PIP4P2: variants seen among roughly 807,000 people sequenced by gnomAD.
The protein encoded by PIP4P2 is type 2 phosphatidylinositol 4,5-bisphosphate 4-phosphatase.
PIP4P2 carries 19 observed loss-of-function variants against 33.3 expected under a neutral mutation model. The observed-to-expected ratio is 0.57, with a 90% CI of 0.40 to 0.84. The LOEUF (loss-of-function observed/expected upper bound fraction) is 0.84. Among genes scored for constraint, PIP4P2 ranks in the 40% least tolerant of loss-of-function variants. PIP4P2 has a pLI of 0.00. For missense variants in PIP4P2, 270 were observed against 324.7 expected (o/e 0.83, Z 1.29); for synonymous variants, 110 against 111.9 (o/e 0.98, Z 0.11).
intron 3 of PIP4P2, 78 bp from the exon 4 acceptor site, chr8:91,018,591 T>C (rs537051471): frequency 1.1e-4 from 180 of 1,590,008 alleles, no homozygotes; most frequent in Middle Eastern, 8.3e-4. Flanking sequence ...TGGCCAAAAA[T>C]ATGAAATGTG....
At chr8:91,008,123 C>A (rs1195912840) in intron 5 of PIP4P2, among the ~76,000 whole-genome samples, 1 of 152,094 alleles carries the variant, frequency 6.6e-6, no homozygotes, top group African/African-American at 2.4e-5. Context: ...ATATTAATTT[C>A]TATGAGTCCC....
chr8:91,014,144 A>G (rs1215497826), intron 4 of PIP4P2, among the ~76,000 whole-genome samples: 1 of 152,148 alleles, frequency 6.6e-6, no homozygotes, highest in Non-Finnish European at 1.5e-5. Context: ...GGACTTTGCA[A>G]CTCACTTAGC....
intron 1 of PIP4P2, among the ~76,000 whole-genome samples, chr8:91,035,786 T>G (rs1191052520): frequency 1.3e-5 from 2 of 152,056 alleles, no homozygotes; most frequent in African/African-American, 4.8e-5. Context: ...CCTGGCACTT[T>G]GGGAGGCCAA....
chr8:91,017,140 AG>A (rs531614390), intron 4 of PIP4P2, among the ~76,000 whole-genome samples: 2 of 152,226 alleles, frequency 1.3e-5, no homozygotes, highest in Non-Finnish European at 2.9e-5. Context: ...TTTACTATTT[AG>A]TGGGTAATGT....
intron 4 of PIP4P2, among the ~76,000 whole-genome samples, chr8:91,014,758 GACACACACAC>G (rs142952434): frequency 9.1e-5 from 13 of 142,648 alleles, no homozygotes; most frequent in African/African-American, 1.5e-4. Flanking sequence ...TTACCACAAA[GACACACACAC>G]ACACACACAC....
intron 4 of PIP4P2, among the ~76,000 whole-genome samples, chr8:91,014,005 A>C (rs111755528): frequency 3.4e-3 from 516 of 152,342 alleles, no homozygotes; most frequent in Non-Finnish European, 6.1e-3. Context: ...AAATTGAATA[A>C]ATGCATGCAT....
At chr8:91,000,399 G>GT (rs11326099) in intron 5 of PIP4P2, among the ~76,000 whole-genome samples, 211 of 143,720 alleles carry the variant, frequency 1.5e-3, no homozygotes, top group African/African-American at 3.6e-3. Context: ...TCATTTAGCA[G>GT]TTTTTTTTTT....
At position 91,040,817 on chromosome 8, in the gene PIP4P2, T is replaced by TG; in HGVS notation, c.-69dup. On this transcript the variant is annotated 5_prime_UTR_variant, in exon 1 of 7. Transcript: ENST00000285419. ...GCGGCCTCGGCGGAGTGGTGGCTACTGCTGCTGCCTCTGCTGCCGCTGCTG... is the reference window on the plus strand; with the variant it reads ...GCGGCCTCGGCGGAGTGGTGGCTACTGGCTGCTGCCTCTGCTGCCGCTGCTG... 1 of 1,401,864 alleles carries TG rather than the reference T, an allele frequency of 7.1e-7. No homozygotes were observed. Among genetic ancestry groups the TG allele is most frequent in the Non-Finnish European group, 9.8e-7 (1 of 1,016,046 alleles). 86.8% of individuals were successfully genotyped at this position (1,401,864 alleles called of 1,614,324 possible).
intron 1 of PIP4P2, among the ~76,000 whole-genome samples, chr8:91,033,380 A>G (rs1812196267): frequency 1.3e-5 from 2 of 151,876 alleles, no homozygotes; most frequent in Non-Finnish European, 2.9e-5. Context: ...ATTTTTGGAG[A>G]TTTGTGATTC....
At chr8:91,007,072 A>C (rs933351621) in intron 5 of PIP4P2, among the ~76,000 whole-genome samples, 1 of 152,220 alleles carries the variant, frequency 6.6e-6, no homozygotes, top group African/African-American at 2.4e-5. Context: ...ATTTTCGTGA[A>C]AATACACATA....
intron 6 of PIP4P2, 138 bp from the exon 7 acceptor site, chr8:90,995,958 T>C (rs747136359): frequency 7.7e-5 from 73 of 943,134 alleles, no homozygotes; most frequent in Non-Finnish European, 1.0e-4. Flanking sequence ...TAAGAGTAGG[T>C]GTATCTGTTG....
At chr8:91,029,864 G>A (rs1296475098) in intron 1 of PIP4P2, among the ~76,000 whole-genome samples, 1 of 152,170 alleles carries the variant, frequency 6.6e-6, no homozygotes, top group African/African-American at 2.4e-5. Flanking sequence ...CTACTCGGGA[G>A]GCTGAGGTAG....
chr8:90,999,112 A>C (rs1032467499), intron 5 of PIP4P2, among the ~76,000 whole-genome samples: 3 of 152,142 alleles, frequency 2.0e-5, no homozygotes, highest in African/African-American at 7.2e-5. Flanking sequence ...GGACATGAAC[A>C]GACACTTTTC....
intron 1 of PIP4P2, among the ~76,000 whole-genome samples, chr8:91,028,095 CAAG>C (rs888904100): frequency 1.3e-5 from 2 of 152,120 alleles, no homozygotes; most frequent in Admixed American, 6.5e-5. Flanking sequence ...GCATTTATTG[CAAG>C]AAGAAGTAGT....
chr8:91,023,030 A>G (rs930622587), intron 1 of PIP4P2, among the ~76,000 whole-genome samples: 3 of 152,126 alleles, frequency 2.0e-5, no homozygotes, highest in African/African-American at 7.2e-5. Flanking sequence ...GTATTAATCA[A>G]GAAGAAAAAA....
intron 2 of PIP4P2, among the ~76,000 whole-genome samples, 170 bp downstream of exon 2, chr8:91,021,086 C>T (rs1361502164): frequency 6.6e-6 from 1 of 152,130 alleles, no homozygotes; most frequent in Non-Finnish European, 1.5e-5. Flanking sequence ...GCTTTAAACA[C>T]AGTGAGGTAT....
intron 2 of PIP4P2, among the ~76,000 whole-genome samples, chr8:91,020,962 GGATA>G (rs1319009210): frequency 1.3e-5 from 2 of 152,128 alleles, no homozygotes; most frequent in African/African-American, 2.4e-5. Context: ...GTTGTGATGT[GGATA>G]GATATTGAAA....
chr8:91,029,521 T>C (rs938607929), intron 1 of PIP4P2, among the ~76,000 whole-genome samples: 5 of 152,176 alleles, frequency 3.3e-5, no homozygotes, highest in Admixed American at 3.3e-4. Flanking sequence ...AGTGACTTCA[T>C]CATCACCATC....
intron 5 of PIP4P2, among the ~76,000 whole-genome samples, chr8:90,997,900 T>C (rs1811649882): frequency 6.6e-6 from 1 of 152,110 alleles, no homozygotes; most frequent in South Asian, 2.1e-4. Flanking sequence ...CCAAATCTTT[T>C]TGAAAAACTG....
Sources: gnomAD v4.1 joint callset for allele counts (sites outside exome capture counted in the v4.1 genomes callset) on GRCh38, gnomAD v4.1.1 for gene constraint, MANE v1.5 for transcripts, NCBI Gene and HGNC (gene_info 2026-07-23, HGNC 2026-07-21) for gene names.